NRK: variants seen among roughly 807,000 people sequenced by gnomAD.
NRK encodes the protein nik-related protein kinase.
Under a neutral mutation model 125.2 loss-of-function variants are expected in NRK, and 67 were observed. The ratio of observed to expected loss-of-function variants is 0.54; its 90% CI spans 0.44 to 0.66. NRK has a LOEUF of 0.66. Among genes scored for constraint, NRK ranks in the 30% least tolerant of loss-of-function variants. The pLI, the probability that NRK is intolerant of heterozygous loss-of-function variation, is 0.00. For synonymous variants in NRK, 458 were observed against 429.0 expected, an observed-to-expected ratio of 1.07 and a Z score of -0.84; for missense variants, 1,224 against 1,192.9, an observed-to-expected ratio of 1.03 and a Z score of -0.38.
At chrX:105,851,503 A>G (rs1037411226) in intron 2 of NRK, among the ~76,000 whole-genome samples, 3 of 112,000 alleles carry the variant, frequency 2.7e-5, no homozygotes, top group African/African-American at 9.7e-5. Context: ...TGGACTTCTT[A>G]TTAGAAATCA....
chrX:105,932,864 C>G (rs1314562533), intron 19 of NRK, among the ~76,000 whole-genome samples: 4 of 111,432 alleles, frequency 3.6e-5, no homozygotes, highest in Non-Finnish European at 5.6e-5. Context: ...TTTCTACTTA[C>G]AAACCTTTTG....
chrX:105,948,051 GTCT>G (rs2040840678), intron 26 of NRK, among the ~76,000 whole-genome samples: 1 of 111,368 alleles, frequency 9.0e-6, no homozygotes, highest in South Asian at 3.8e-4. Context: ...CAGTTGGAGT[GTCT>G]TCCGTAGCTT....
At chrX:105,908,491 A>G (rs2040248341) in intron 12 of NRK, among the ~76,000 whole-genome samples, 188 bp downstream of exon 12, 1 of 112,314 alleles carries the variant, frequency 8.9e-6, no homozygotes, top group Non-Finnish European at 1.9e-5. Flanking sequence ...ACTCCTTAAT[A>G]TCTGGCAAGT....
chrX:105,929,246 TTC>T (rs750644669), intron 19 of NRK, among the ~76,000 whole-genome samples: 1 of 111,443 alleles, frequency 9.0e-6, no homozygotes, highest in South Asian at 3.7e-4. Flanking sequence ...GTCCGTGTTT[TTC>T]TCTTTTTTAC....
intron 1 of NRK, among the ~76,000 whole-genome samples, chrX:105,824,761 T>C (rs1028691911): frequency 1.8e-5 from 2 of 111,087 alleles, no homozygotes; most frequent in African/African-American, 3.3e-5. Flanking sequence ...ATTAGTTTCC[T>C]GGAGGTTGGT....
chrX:105,915,749 C>T lies in NRK; in HGVS notation c.2369C>T (p.Ser790Phe), dbSNP rs750638676. Reference sequence around the variant, plus strand: ...TTTAAGGTTCAAGAGAGATCTCCTTCTGTGCCTAACAACCAGGATCATGCA... The same window carrying T: ...TTTAAGGTTCAAGAGAGATCTCCTTTTGTGCCTAACAACCAGGATCATGCA... Reference protein sequence around the residue: ...KKIEVQERSPSVPNNQDHAHH... With the variant: ...KKIEVQERSPFVPNNQDHAHH... Residue 790 changes from serine (S) to phenylalanine (F), a missense_variant, in exon 15 of 29, where the codon TCT becomes TTT. Physicochemically the swap from Ser to Phe is radical, Grantham distance 155. Coordinates refer to ENST00000243300, the MANE Select transcript of NRK (RefSeq NM_198465.4). The T allele has an allele frequency of 1.9e-5, 22 of 1,150,449 alleles. No homozygotes were observed. In the South Asian group the frequency reaches 4.0e-4, roughly 21 times the overall value. 94.8% of individuals were successfully genotyped at this position (1,150,449 alleles called of 1,213,427 possible).
intron 2 of NRK, among the ~76,000 whole-genome samples, chrX:105,858,587 T>C (rs1411138209): frequency 9.0e-6 from 1 of 110,844 alleles, no homozygotes; most frequent in Non-Finnish European, 1.9e-5. Flanking sequence ...CCAGTAAGGT[T>C]ACTTTCCCTT....
intron 4 of NRK, among the ~76,000 whole-genome samples, chrX:105,883,205 A>G (rs781488016): frequency 2.7e-5 from 3 of 112,748 alleles, no homozygotes; most frequent in Non-Finnish European, 5.6e-5. Flanking sequence ...CAGAGTGGCA[A>G]ACACACTAAC....
chrX:105,894,526 A>G (rs1427212105), intron 6 of NRK, among the ~76,000 whole-genome samples: 1 of 111,979 alleles, frequency 8.9e-6, no homozygotes, highest in Non-Finnish European at 1.9e-5. Flanking sequence ...CTACTCATAC[A>G]ATGTTAGAAT....
intron 2 of NRK, among the ~76,000 whole-genome samples, chrX:105,875,124 C>T (rs189749192): frequency 8.0e-4 from 89 of 111,471 alleles, no homozygotes; most frequent in African/African-American, 2.9e-3. Context: ...AATAACTAGC[C>T]TTTGCATTTG....
At chrX:105,901,738 C>T (rs1197249784) in intron 9 of NRK, among the ~76,000 whole-genome samples, 1 of 111,210 alleles carries the variant, frequency 9.0e-6, no homozygotes, top group African/African-American at 3.3e-5. Flanking sequence ...TTGCTTCTTG[C>T]CTGTATTATA....
chrX:105,862,296 CTG>C (rs1387027769), intron 2 of NRK, among the ~76,000 whole-genome samples: 1 of 111,108 alleles, frequency 9.0e-6, no homozygotes, highest in Non-Finnish European at 1.9e-5. Context: ...CTAACTTTAA[CTG>C]TGAACTAGAT....
chrX:105,822,990 G>C (rs1202601052), intron 1 of NRK, 88 bp downstream of exon 1: 2 of 852,710 alleles, frequency 2.3e-6, no homozygotes, highest in Non-Finnish European at 3.2e-6. Flanking sequence ...CCCTCAAAAC[G>C]GGCTAGACCA....
At chrX:105,915,616 T>G (rs1332863303) in intron 14 of NRK, 114 bp from the exon 15 acceptor site, 6 of 378,124 alleles carry the variant, frequency 1.6e-5, no homozygotes, top group African/African-American at 2.6e-5. Context: ...AATCATATTT[T>G]ATAAGTTAGA....
chrX:105,930,902 C>T (rs1435901566), intron 19 of NRK, among the ~76,000 whole-genome samples: 1 of 111,482 alleles, frequency 9.0e-6, no homozygotes, highest in Non-Finnish European at 1.9e-5. Context: ...ACACCTTTGC[C>T]AGGGGTGGGC....
rs774337658 is a variant in NRK, at chrX:105,888,350, CA to C, written c.314del (p.Asn105ThrfsTer12). ...LNLLRKYSFH[K>X]NIVSFYGAFF... The stretch of plus-strand genomic sequence containing the variant: ...ACCTTCTGAGGAAGTACTCTTTCCA[CA>C]AAAACATTGTGTCCTTCTATGGAGC... On this transcript the variant is annotated frameshift_variant, in exon 5 of 29. Transcript: ENST00000243300. LOFTEE classifies it high-confidence loss of function. 8.3e-7 allele frequency: 1 copy of C among 1,197,739 alleles called. No homozygotes were observed. Among genetic ancestry groups the C allele is most frequent in the Non-Finnish European group, 1.1e-6 (1 of 885,644 alleles).
In NRK at chrX:105,871,780, T is replaced by A. The variant is rs183900424; in HGVS notation, c.124-8419T>A. Among the ~76,000 whole-genome samples, 12 of 111,784 alleles carry A rather than the reference T, an allele frequency of 1.1e-4. No individual in the cohort carries two copies. In the East Asian group the frequency reaches 2.9e-3, roughly 27 times the overall value. On this transcript the variant is annotated intron_variant, in intron 2 of 28. Coordinates refer to ENST00000243300, the MANE Select transcript of NRK (RefSeq NM_198465.4). ...ATTTATGTTGCTAAAACAGCTTGAG[T>A]GCAAATTTACCCTCGTGATACATGT...
chrX:105,864,557 T>C (rs1275009533), intron 2 of NRK, among the ~76,000 whole-genome samples: 1 of 111,399 alleles, frequency 9.0e-6, no homozygotes, highest in Non-Finnish European at 1.9e-5. Flanking sequence ...AATATATACA[T>C]CTTAAGTAAA....
intron 14 of NRK, among the ~76,000 whole-genome samples, chrX:105,913,360 G>A (rs1367838706): frequency 8.9e-6 from 1 of 112,188 alleles, no homozygotes; most frequent in Non-Finnish European, 1.9e-5. Flanking sequence ...TAGATGTTTT[G>A]CTTATGCATG....
Sources: gnomAD v4.1 joint callset for allele counts (sites outside exome capture counted in the v4.1 genomes callset) on GRCh38, gnomAD v4.1.1 for gene constraint, MANE v1.5 for transcripts, NCBI Gene and HGNC (gene_info 2026-07-23, HGNC 2026-07-21) for gene names.